Variants in MAPT observed in about 807,000 individuals in gnomAD.
MAPT encodes the protein microtubule-associated protein tau.
MAPT carries 34 observed loss-of-function variants against 67.9 expected under a neutral mutation model. The ratio of observed to expected loss-of-function variants is 0.50; its 90% CI spans 0.38 to 0.67. The LOEUF is 0.67. Ranked by LOEUF, MAPT falls within the 30% of genes least tolerant of loss-of-function variation. MAPT has a pLI of 0.00. For synonymous variants in MAPT, 456 were observed against 464.5 expected (o/e 0.98, Z 0.23); for missense variants, 881 against 1,115.2 (o/e 0.79, Z 2.99).
At chr17:46,009,148 C>T (rs1278425774) in intron 9 of MAPT, among the ~76,000 whole-genome samples, 3 of 151,980 alleles carry the variant, frequency 2.0e-5, no homozygotes, top group South Asian at 4.1e-4. Flanking sequence ...TGCACTGAGC[C>T]GTGATGGTGT....
chr17:46,014,694 G>T (rs1421508911), intron 11 of MAPT, among the ~76,000 whole-genome samples: 2 of 152,152 alleles, frequency 1.3e-5, no homozygotes, highest in Non-Finnish European at 2.9e-5. Flanking sequence ...CTAACACAGT[G>T]AAACCCCGTC....
chr17:45,946,615 A>AAAAAAAATATATATATATATATAT, intron 1 of MAPT, among the ~76,000 whole-genome samples: 6 of 100,390 alleles, frequency 6.0e-5, no homozygotes, highest in South Asian at 2.7e-4. Context: ...AAAAAAAAAA[A>AAAAAAAATATATATATATATATAT]ATATATATAT....
At chr17:45,959,474 T>C (rs2070135405) in intron 1 of MAPT, among the ~76,000 whole-genome samples, 1 of 152,176 alleles carries the variant, frequency 6.6e-6, no homozygotes. Context: ...ACAAGCCCGA[T>C]CTTGTTTGAA....
At chr17:45,956,567 TATATATATATATATATATATATATATATA>T (rs1471239374) in intron 1 of MAPT, among the ~76,000 whole-genome samples, 923 of 50,604 alleles carry the variant, frequency 0.018, 18 homozygotes, top group Admixed American at 0.032. Flanking sequence ...TATATATATA[TATATATATATATATATATATATATATATA>T]TATATTTTTT....
chr17:46,004,114 C>CA (rs1273459270), intron 9 of MAPT, among the ~76,000 whole-genome samples: 2 of 152,064 alleles, frequency 1.3e-5, no homozygotes, highest in African/African-American at 2.4e-5. Flanking sequence ...CCTGGTGAGG[C>CA]AAAGCACAGC....
intron 1 of MAPT, among the ~76,000 whole-genome samples, chr17:45,923,065 G>T (rs2065909885): frequency 6.6e-6 from 1 of 152,136 alleles, no homozygotes; most frequent in Non-Finnish European, 1.5e-5. Flanking sequence ...TGGACCCTAT[G>T]TTCTTATCTC....
rs1012578954 is a variant in MAPT at position 46,024,486 on chromosome 17, C to T, written c.*315C>T. On this transcript the variant is annotated 3_prime_UTR_variant, in exon 13 of 13. Coordinates refer to ENST00000262410, the MANE Select transcript of MAPT (RefSeq NM_001377265.1). ...ATTCCTTTTGATTCTTTTTTCTTCC[C>T]CCTCCATGTAGAAGAGGGAGAAGGA... 8.9e-6 allele frequency: 4 copies of T among 448,046 alleles called. No homozygotes were observed. Among genetic ancestry groups the T allele is most frequent in the South Asian group, 8.7e-5 (4 of 45,870 alleles). 27.8% of individuals were successfully genotyped at this position (448,046 alleles called of 1,614,324 possible). A position where few individuals can be genotyped will look rare whatever the true frequency, so the allele number is the denominator to read the frequency against.
At position 45,924,683 on chromosome 17, in the gene MAPT, G is replaced by C. The variant is rs888506077; in HGVS notation, c.-18+29997G>C. ...CATCTCAGTCAATAAGGCTGCTCCT[G>C]CCCACTTGGAATAGTGGTGACAACC... On this transcript the variant is annotated intron_variant, in intron 1 of 12. Coordinates refer to ENST00000262410, the MANE Select transcript of MAPT (RefSeq NM_001377265.1). 2.0e-5 allele frequency among the ~76,000 whole-genome samples: 3 copies of C among 152,182 alleles called. No individual in the cohort carries two copies. In the East Asian group the frequency reaches 5.8e-4, roughly 29 times the overall value.
intron 1 of MAPT, among the ~76,000 whole-genome samples, chr17:45,955,754 T>C (rs1270269041): frequency 1.3e-5 from 2 of 152,022 alleles, no homozygotes; most frequent in East Asian, 3.9e-4. Flanking sequence ...TTTTCCTTTT[T>C]GAAAGGAGTC....
chr17:45,963,397 G>A (rs954715960), intron 2 of MAPT, among the ~76,000 whole-genome samples: 2 of 152,128 alleles, frequency 1.3e-5, no homozygotes, highest in Admixed American at 6.5e-5. Context: ...GTGCCAGGTT[G>A]GTCCAAGGGT....
At chr17:45,948,777 C>T (rs1159741812) in intron 1 of MAPT, among the ~76,000 whole-genome samples, 1 of 152,188 alleles carries the variant, frequency 6.6e-6, no homozygotes, top group Non-Finnish European at 1.5e-5. Context: ...ATGCTTCAAA[C>T]ATGGTTCCTA....
intron 1 of MAPT, among the ~76,000 whole-genome samples, chr17:45,941,680 CTCCTTCCTTCCTTCCT>C (rs1223967453): frequency 4.2e-5 from 2 of 47,224 alleles, no homozygotes; most frequent in Admixed American, 6.0e-4. Context: ...CCCCCCTTCC[CTCCTTCCTTCCTTCCT>C]TCCTGCCTGC....
At chr17:45,935,983 G>A (rs116317389) in intron 1 of MAPT, among the ~76,000 whole-genome samples, 33 of 152,328 alleles carry the variant, frequency 2.2e-4, no homozygotes, top group African/African-American at 7.5e-4. Flanking sequence ...CTTGGACTGT[G>A]TGTACCTCTT....
intron 7 of MAPT, among the ~76,000 whole-genome samples, chr17:45,991,217 T>C (rs2074031628): frequency 6.6e-6 from 1 of 152,206 alleles, no homozygotes; most frequent in African/African-American, 2.4e-5. Flanking sequence ...TGATAACTAA[T>C]GCACACAGTT....
rs762046989 is a variant in MAPT at position 45,971,867 on chromosome 17, C to G, written c.142C>G (p.Leu48Val). 2 of 1,613,460 alleles carry G rather than the reference C, an allele frequency of 1.2e-6. No homozygotes were observed. The highest frequency in any genetic ancestry group is 4.5e-5 in the East Asian group (2 of 44,878). ...CACTGTATGTGTTCCAGAATCTCCC[C>G]TGCAGACCCCCACTGAGGACGGATC... Reference protein sequence around the residue: ...DTDAGLKESPLQTPTEDGSEE... With the variant: ...DTDAGLKESPVQTPTEDGSEE... Residue 48 changes from leucine (L) to valine (V), a missense_variant, in exon 3 of 13, where the codon CTG (leucine) becomes GTG (valine). Transcript: ENST00000262410. This position sits in a 1 kb window ranked among gnomAD's most constrained non-coding sequence, Gnocchi z 4.3.
chr17:45,974,370 C>T, intron 3 of MAPT: 1 of 1,580,808 alleles, frequency 6.3e-7, no homozygotes. Context: ...TAAGGTGGAT[C>T]TCGGTGGTTT....
Position 45,906,298 on chromosome 17 carries a change from T to G in MAPT, c.-18+11612T>G, listed in dbSNP as rs2064306257. ...TCTGTTTTTTCTGGAGTTTTCAGTTTTTTCCTAACCAGACAGGGACTTGGT... is the reference window on the plus strand; with the variant it reads ...TCTGTTTTTTCTGGAGTTTTCAGTTGTTTCCTAACCAGACAGGGACTTGGT... On this transcript the variant is annotated intron_variant, in intron 1 of 12. Transcript: ENST00000262410. The surrounding 1 kb of genome is among the most constrained non-coding windows in gnomAD (Gnocchi z 4.3). 6.6e-6 allele frequency among the ~76,000 whole-genome samples: 1 copy of G among 152,180 alleles called. No homozygotes were observed. Among genetic ancestry groups the G allele is most frequent in the Non-Finnish European group, 1.5e-5 (1 of 68,026 alleles).
chr17:45,978,744 C>A, intron 4 of MAPT: 1 of 362,186 alleles, frequency 2.8e-6, no homozygotes, highest in Non-Finnish European at 5.1e-6. Flanking sequence ...GTGGCTCACG[C>A]CTCTAATCCC....
At chr17:45,918,097 C>T (rs1046031823) in intron 1 of MAPT, among the ~76,000 whole-genome samples, 8 of 152,126 alleles carry the variant, frequency 5.3e-5, no homozygotes, top group African/African-American at 1.7e-4. Context: ...TTTCTGTCTG[C>T]TTTGGCCCTT....
Sources: gnomAD v4.1 joint callset for allele counts (sites outside exome capture counted in the v4.1 genomes callset) on GRCh38, gnomAD v4.1.1 for gene constraint, Gnocchi (gnomAD v3.1) non-coding constraint, MANE v1.5 for transcripts, NCBI Gene and HGNC (gene_info 2026-07-23, HGNC 2026-07-21) for gene names.